The following DDI2 variants were observed in gnomAD, a reference collection of about 807,000 sequenced individuals.
DDI2 encodes the protein protein DDI1 homolog 2.
A neutral mutation model predicts 48.1 loss-of-function variants in DDI2; 5 were observed. The observed-to-expected ratio is 0.10, with a 90% confidence interval of 0.05 to 0.22. DDI2 has a LOEUF of 0.22. Among genes scored for constraint, DDI2 ranks in the 10% least tolerant of loss-of-function variants. The probability of loss-of-function intolerance (pLI) is 1.00; values close to 1 mark genes in which losing one functional copy is unlikely to be tolerated. For missense variants in DDI2, 285 were observed against 506.2 expected (o/e 0.56, Z 4.19); for synonymous variants, 205 against 183.6 (o/e 1.12, Z -0.94).
chr1:15,651,954 T>G, intron 8 of DDI2, 59 bp downstream of exon 8: 4 of 1,537,700 alleles, frequency 2.6e-6, no homozygotes, highest in Non-Finnish European at 3.5e-6. Context: ...CCGGGAAGTG[T>G]GGGCTTCAGA....
At chr1:15,659,677 A>T (rs1640329057) in intron 9 of DDI2, among the ~76,000 whole-genome samples, 160 bp from the exon 10 acceptor site, 1 of 152,246 alleles carries the variant, frequency 6.6e-6, no homozygotes, top group East Asian at 1.9e-4. Context: ...GTCTACCACA[A>T]TGAGAAAGTA....
At chr1:15,618,361 A>G (rs1639600005) in intron 1 of DDI2, among the ~76,000 whole-genome samples, 1 of 150,186 alleles carries the variant, frequency 6.7e-6, no homozygotes. Flanking sequence ...GACTTGCACT[A>G]CCTCATTTTG....
At chr1:15,632,111 G>A (rs1020438282) in intron 3 of DDI2, among the ~76,000 whole-genome samples, 4 of 152,080 alleles carry the variant, frequency 2.6e-5, no homozygotes, top group East Asian at 1.9e-4. Flanking sequence ...GCTCGTGTTA[G>A]GCTTTTCACT....
chr1:15,630,227 C>T, intron 2 of DDI2, 98 bp from the exon 3 acceptor site: 4 of 1,057,672 alleles, frequency 3.8e-6, no homozygotes, highest in Non-Finnish European at 5.7e-6. Context: ...ACCTTTGCTG[C>T]TGTCATATAC....
At chr1:15,617,906 G>C (rs921040766) in intron 1 of DDI2, 98 bp downstream of exon 1, 1 of 1,374,866 alleles carries the variant, frequency 7.3e-7, no homozygotes, top group Non-Finnish European at 9.5e-7. Context: ...ATTGGGGGCT[G>C]GGGGGAGCAA....
rs1293703721 is a variant in DDI2, at chr1:15,664,040, T to C, written c.*4250T>C. ...CTGTTAGGAATACTCTGAATGAGCT[T>C]AACCCACTTGCCAAATATCCTTGTC... is the stretch of plus-strand genomic sequence containing the variant. On this transcript the variant is annotated 3_prime_UTR_variant, in exon 10 of 10. Transcript: ENST00000480945. 1 of 152,198 alleles carries C rather than the reference T, an allele frequency of 6.6e-6. No homozygotes were observed. Among genetic ancestry groups the C allele is most frequent in the Admixed American group, 6.5e-5 (1 of 15,270 alleles). 9.4% of individuals were successfully genotyped at this position (152,198 alleles called of 1,614,324 possible).
chr1:15,619,603 A>G (rs1390705541), intron 1 of DDI2, among the ~76,000 whole-genome samples: 1 of 150,782 alleles, frequency 6.6e-6, no homozygotes, highest in Non-Finnish European at 1.5e-5. Context: ...CTGGGACTAC[A>G]GGCGCCCACC....
chr1:15,660,926 C>G lies in DDI2; in HGVS notation c.*1136C>G, dbSNP rs201454259. On this transcript the variant is annotated 3_prime_UTR_variant, in exon 10 of 10. Transcript: ENST00000480945. ...GCAGAAGAATCTTGCCCGTCTATAA[C>G]GGCAGCCTTGAAAGAACTTCATGAA... 2 of 1,613,386 alleles carry G rather than the reference C, an allele frequency of 1.2e-6. No homozygotes were observed. The highest frequency in any genetic ancestry group is 1.7e-6 in the Non-Finnish European group (2 of 1,179,730).
chr1:15,651,791 A>G lies in DDI2; in HGVS notation c.1079A>G (p.Glu360Gly), dbSNP rs758406834. ...TTFLPEGELP[E>G]CARLAYGAGR... ...TTTCTTCCTGAGGGAGAGCTACCAG[A>G]GTGTGCCCGGTTGGCATATGGGGCT... Residue 360 changes from glutamate to glycine, a missense_variant, in exon 8 of 10, where the codon GAG (glutamate) becomes GGG (glycine). Physicochemically the swap from Glu to Gly is moderately conservative, Grantham distance 98 (BLOSUM62 -2). Around this residue, in one of 3 missense-constraint regions of DDI2, gnomAD observed 66 missense variants for 87.3 expected, o/e 0.76. Coordinates refer to ENST00000480945, the MANE Select transcript of DDI2 (RefSeq NM_032341.5). The G allele has an allele frequency of 4.3e-6, 7 of 1,613,912 alleles. No individual in the cohort carries two copies. Among genetic ancestry groups the G allele is most frequent in the Non-Finnish European group, 5.1e-6 (6 of 1,179,964 alleles).
chr1:15,657,414 C>A (rs1167505009), intron 9 of DDI2, among the ~76,000 whole-genome samples: 1 of 152,118 alleles, frequency 6.6e-6, no homozygotes, highest in Admixed American at 6.5e-5. Flanking sequence ...TTTCCTTTTT[C>A]TTTTCCTTGT....
In DDI2 at chr1:15,666,894, G is replaced by A. The variant is rs971161591; in HGVS notation, c.*7104G>A. ...GCTTACAATGGAATCAGATGCTGTG[G>A]GCCTAAAACAGCTCTTTAAAAATCT... is the stretch of plus-strand genomic sequence containing the variant. On this transcript the variant is annotated 3_prime_UTR_variant, in exon 10 of 10. Coordinates refer to ENST00000480945, the MANE Select transcript of DDI2 (RefSeq NM_032341.5). The A allele has an allele frequency of 1.3e-5, 2 of 152,126 alleles. No individual in the cohort carries two copies. Among genetic ancestry groups the A allele is most frequent in the Non-Finnish European group, 2.9e-5 (2 of 68,028 alleles). 9.4% of individuals were successfully genotyped at this position (152,126 alleles called of 1,614,324 possible).
chr1:15,632,998 T>C (rs1639870889), intron 3 of DDI2, among the ~76,000 whole-genome samples: 2 of 147,750 alleles, frequency 1.4e-5, no homozygotes, highest in South Asian at 4.3e-4. Context: ...CACAGCTCAC[T>C]GCATCCTCGA....
rs1557625738 is a variant in DDI2 at position 15,660,546 on chromosome 1, T to C, written c.*756T>C. On this transcript the variant is annotated 3_prime_UTR_variant, in exon 10 of 10. Coordinates refer to ENST00000480945, the MANE Select transcript of DDI2 (RefSeq NM_032341.5). ...GAAATGGGCTCCCACAGAATGTGGA[T>C]CCTCCAAGTGCGAAGAAAAGTATTC... The C allele has an allele frequency of 3.7e-6, 6 of 1,613,088 alleles. No homozygotes were observed. The highest frequency in any genetic ancestry group is 1.3e-5 in the African/African-American group (1 of 74,960).
At chr1:15,640,940 A>G (rs1298412474) in intron 5 of DDI2, among the ~76,000 whole-genome samples, 2 of 152,154 alleles carry the variant, frequency 1.3e-5, no homozygotes, top group African/African-American at 4.8e-5. Context: ...GAATTCAGGA[A>G]AAAAAGCAGG....
intron 3 of DDI2, among the ~76,000 whole-genome samples, chr1:15,633,021 A>G (rs937739143): frequency 4.1e-5 from 6 of 147,668 alleles, no homozygotes; most frequent in African/African-American, 1.5e-4. Context: ...TCCTGGGCTC[A>G]GGCCATCCCC....
In DDI2 at chr1:15,656,581, AC is replaced by A. The variant is rs767907783; in HGVS notation, c.1184-33del. 1.1e-5 allele frequency: 18 copies of A among 1,614,148 alleles called. No homozygotes were observed. In the East Asian group the frequency reaches 3.6e-4, roughly 32 times the overall value. ...GCATGCTGTGTGGTTTGCATTGTTA[AC>A]CCAAGTTTGCTTGTCTGTTTCCTAA... On this transcript the variant is annotated intron_variant, in intron 8 of 9. Transcript: ENST00000480945.
At chr1:15,637,900 G>A (rs1295528560) in intron 4 of DDI2, among the ~76,000 whole-genome samples, 1 of 152,148 alleles carries the variant, frequency 6.6e-6, no homozygotes, top group Admixed American at 6.6e-5. Context: ...TGAAATATTT[G>A]TGTTTTCTGT....
At chr1:15,628,923 A>G (rs1006408689) in intron 2 of DDI2, among the ~76,000 whole-genome samples, 2 of 152,148 alleles carry the variant, frequency 1.3e-5, no homozygotes, top group African/African-American at 4.8e-5. Context: ...GTATTTACCT[A>G]TTTGGAACAT....
chr1:15,661,851 C>G lies in DDI2; in HGVS notation c.*2061C>G. ...AGAAACCTGCAAGCAGAATGTTGAG[C>G]CAGATTTTTTTTAAAGATTTTTTTC... On this transcript the variant is annotated 3_prime_UTR_variant, in exon 10 of 10. Transcript: ENST00000480945. The G allele has an allele frequency of 7.9e-7, 1 of 1,258,234 alleles. No individual in the cohort carries two copies. Among genetic ancestry groups the G allele is most frequent in the South Asian group, 2.6e-5 (1 of 37,874 alleles). The allele number at this position is 1,258,234 out of a possible 1,614,324, so 77.9% of individuals were successfully genotyped here.
Sources: gnomAD v4.1 joint callset for allele counts (sites outside exome capture counted in the v4.1 genomes callset) on GRCh38, gnomAD v4.1.1 for gene constraint, gnomAD v4.1.1 regional missense constraint, MANE v1.5 for transcripts, NCBI Gene and HGNC (gene_info 2026-07-23, HGNC 2026-07-21) for gene names.